KCNIP4: variants seen among roughly 807,000 people sequenced by gnomAD.
KCNIP4 encodes Kv channel-interacting protein 4.
KCNIP4 carries 12 observed loss-of-function variants against 34.0 expected under a neutral mutation model. The ratio of observed to expected loss-of-function variants is 0.35; its 90% CI spans 0.23 to 0.57. The LOEUF is 0.57. Among genes scored for constraint, KCNIP4 ranks in the 20% least tolerant of loss-of-function variants. KCNIP4 has a pLI of 0.83. For synonymous variants in KCNIP4, 124 were observed against 102.2 expected (o/e 1.21, Z -1.29); for missense variants, 238 against 311.7 (o/e 0.76, Z 1.78).
intron 1 of KCNIP4, among the ~76,000 whole-genome samples, chr4:21,094,186 T>C (rs556330622): frequency 6.3e-4 from 96 of 152,266 alleles, no homozygotes; most frequent in African/African-American, 2.2e-3. Flanking sequence ...AAACAATAAA[T>C]AACCCCTCTA....
At position 20,802,269 on chromosome 4, in the gene KCNIP4, T is replaced by C. The variant is rs975926862; in HGVS notation, c.289-43379A>G. The stretch of plus-strand genomic sequence containing the variant: ...ATATATATGCTACATATATGCTATA[T>C]ATATGCTATATATATATGCAATATA... On this transcript the variant is annotated intron_variant, in intron 3 of 8. Coordinates refer to ENST00000382152, the MANE Select transcript of KCNIP4 (RefSeq NM_025221.6). 1.1e-3 allele frequency among the ~76,000 whole-genome samples: 121 copies of C among 105,260 alleles called. 15 individuals are homozygous for C. The highest frequency in any genetic ancestry group is 3.3e-3 in the African/African-American group (107 of 31,946). 69.1% of individuals were successfully genotyped at this position (105,260 alleles called of 152,430 possible).
At chr4:21,880,651 G>A (rs905197707) in intron 1 of KCNIP4, among the ~76,000 whole-genome samples, 5 of 152,174 alleles carry the variant, frequency 3.3e-5, no homozygotes, top group African/African-American at 1.2e-4. Context: ...AGAACAAAAT[G>A]ATATTAACTG....
At chr4:20,836,643 A>G (rs1719064839) in intron 3 of KCNIP4, among the ~76,000 whole-genome samples, 1 of 152,154 alleles carries the variant, frequency 6.6e-6, no homozygotes, top group Non-Finnish European at 1.5e-5. Flanking sequence ...AAGGCCTTCA[A>G]CTGATTGAGT....
chr4:21,737,800 G>C (rs1716092320), intron 1 of KCNIP4, among the ~76,000 whole-genome samples: 1 of 152,048 alleles, frequency 6.6e-6, no homozygotes, highest in African/African-American at 2.4e-5. Context: ...AGGCTTAAAA[G>C]TCAGCCGGGC....
At chr4:21,346,081 TAA>T in intron 1 of KCNIP4, among the ~76,000 whole-genome samples, 24 of 125,998 alleles carry the variant, frequency 1.9e-4, no homozygotes, top group African/African-American at 7.1e-4. Flanking sequence ...TATATATATT[TAA>T]GATATTTAAG....
At chr4:21,607,755 G>A (rs925617709) in intron 1 of KCNIP4, among the ~76,000 whole-genome samples, 1 of 152,052 alleles carries the variant, frequency 6.6e-6, no homozygotes, top group Admixed American at 6.5e-5. Flanking sequence ...CCATGATACT[G>A]CTGGTCTCTC....
chr4:20,914,313 G>A (rs1478949053), intron 1 of KCNIP4, among the ~76,000 whole-genome samples: 1 of 152,130 alleles, frequency 6.6e-6, no homozygotes, highest in Admixed American at 6.5e-5. Flanking sequence ...CCAAGGTGAT[G>A]GTATTAGGAG....
chr4:21,203,648 G>A (rs1472907382), intron 1 of KCNIP4, among the ~76,000 whole-genome samples: 1 of 152,184 alleles, frequency 6.6e-6, no homozygotes, highest in African/African-American at 2.4e-5. Context: ...CTCTCACTCT[G>A]TGGGGAGCAG....
intron 1 of KCNIP4, among the ~76,000 whole-genome samples, chr4:21,886,555 C>T (rs1200026588): frequency 6.6e-6 from 1 of 152,182 alleles, no homozygotes; most frequent in East Asian, 1.9e-4. Context: ...AAACAGTTCC[C>T]ACAGGGGGTG....
Position 21,464,286 on chromosome 4 carries a change from T to C in KCNIP4, c.61+484285A>G, listed in dbSNP as rs566253631. Among the ~76,000 whole-genome samples, 13 of 152,154 alleles carry C rather than the reference T, an allele frequency of 8.5e-5. No homozygotes were observed. In the South Asian group the frequency reaches 2.5e-3, roughly 29 times the overall value. ...CTCTTCTTTTTATAGTTTTTTAAGT[T>C]GTCAGGTTAGATTATTGACTTGAGA... On this transcript the variant is annotated intron_variant, in intron 1 of 8. Transcript: ENST00000382152.
At chr4:20,895,431 C>T (rs764419898) in intron 1 of KCNIP4, among the ~76,000 whole-genome samples, 1 of 151,918 alleles carries the variant, frequency 6.6e-6, no homozygotes, top group Non-Finnish European at 1.5e-5. Context: ...AAAAATGGGG[C>T]TAATAATAGA....
rs980365998 is a variant in KCNIP4 at position 21,495,108 on chromosome 4, A to G, written c.61+453463T>C. Reference sequence around the variant, plus strand: ...CATCAGTTTATTGACTCTGAACTCCATATCCATCCTTCTTTGCTGCTCTGT... The same window carrying G: ...CATCAGTTTATTGACTCTGAACTCCGTATCCATCCTTCTTTGCTGCTCTGT... On this transcript the variant is annotated intron_variant, in intron 1 of 8. Transcript: ENST00000382152. Among the ~76,000 whole-genome samples the G allele has an allele frequency of 2.0e-5, 3 of 152,306 alleles. No individual in the cohort carries two copies. In the East Asian group the frequency reaches 5.8e-4, roughly 29 times the overall value.
chr4:21,528,055 T>C (rs187468866), intron 1 of KCNIP4, among the ~76,000 whole-genome samples: 4 of 152,296 alleles, frequency 2.6e-5, no homozygotes, highest in Admixed American at 2.0e-4. Context: ...TTTAATACAG[T>C]ATCATCGAGT....
chr4:21,538,592 C>T (rs1737417198), intron 1 of KCNIP4, among the ~76,000 whole-genome samples: 1 of 152,110 alleles, frequency 6.6e-6, no homozygotes, highest in Admixed American at 6.5e-5. Context: ...TCATGGGGTT[C>T]CCAGTATTTC....
chr4:21,865,386 T>A, intron 1 of KCNIP4, among the ~76,000 whole-genome samples: 1 of 146,238 alleles, frequency 6.8e-6, no homozygotes, highest in Non-Finnish European at 1.5e-5. Flanking sequence ...AAGGAAAGGA[T>A]AGAACAAGAC....
chr4:21,535,697 G>C (rs1268817117), intron 1 of KCNIP4, among the ~76,000 whole-genome samples: 1 of 152,052 alleles, frequency 6.6e-6, no homozygotes, highest in Non-Finnish European at 1.5e-5. Flanking sequence ...ACTTCTATAT[G>C]AATTGGAGAA....
At chr4:21,915,938 T>C (rs1422564879) in intron 1 of KCNIP4, among the ~76,000 whole-genome samples, 1 of 152,232 alleles carries the variant, frequency 6.6e-6, no homozygotes, top group Admixed American at 6.5e-5. Context: ...CAAGGCTTGC[T>C]GCTGAGACAT....
intron 1 of KCNIP4, among the ~76,000 whole-genome samples, chr4:21,604,317 T>G (rs888788948): frequency 1.3e-5 from 2 of 152,148 alleles, no homozygotes; most frequent in Admixed American, 6.6e-5. Context: ...ACGTGTTAGT[T>G]GCTCTTGCTA....
chr4:20,953,718 G>T (rs1733022488), intron 1 of KCNIP4, among the ~76,000 whole-genome samples: 1 of 152,134 alleles, frequency 6.6e-6, no homozygotes, highest in Admixed American at 6.5e-5. Flanking sequence ...TTTACTGAAT[G>T]AATGAATGAA....
Sources: allele counts gnomAD v4.1 joint callset (sites outside exome capture counted in the v4.1 genomes callset), GRCh38; gene constraint gnomAD v4.1.1; transcripts MANE v1.5; gene names NCBI Gene and HGNC (gene_info 2026-07-23, HGNC 2026-07-21).